The following MACROD2 variants were observed in gnomAD, a reference collection of about 807,000 sequenced individuals.
MACROD2 encodes the protein mono-ADP ribosylhydrolase 2.
Under a neutral mutation model 70.4 loss-of-function variants are expected in MACROD2, and 36 were observed. The ratio of observed to expected loss-of-function variants is 0.51; its 90% CI spans 0.39 to 0.68. The LOEUF is 0.68. MACROD2 is among the 30% of genes least tolerant of loss of function. MACROD2 has a pLI of 0.00. For missense variants in MACROD2, 496 were observed against 538.4 expected, an observed-to-expected ratio of 0.92 and a Z score of 0.78; for synonymous variants, 172 against 178.8, an observed-to-expected ratio of 0.96 and a Z score of 0.30.
chr20:14,731,131 T>G (rs1248280616), intron 5 of MACROD2, among the ~76,000 whole-genome samples: 1 of 151,946 alleles, frequency 6.6e-6, no homozygotes, highest in Non-Finnish European at 1.5e-5. Flanking sequence ...ACAAGAAAAA[T>G]GTAAAAATAA....
intron 15 of MACROD2, among the ~76,000 whole-genome samples, chr20:16,002,223 C>T (rs1328733279): frequency 6.6e-6 from 1 of 151,962 alleles, no homozygotes; most frequent in Non-Finnish European, 1.5e-5. Context: ...AATTTTAGTC[C>T]AGTCACCAAA....
At chr20:14,698,991 A>G (rs1047427588) in intron 5 of MACROD2, among the ~76,000 whole-genome samples, 3 of 152,054 alleles carry the variant, frequency 2.0e-5, no homozygotes, top group Non-Finnish European at 4.4e-5. Flanking sequence ...TATTTAATAT[A>G]CCTACCAAGC....
At chr20:15,583,992 A>T (rs1160824442) in intron 8 of MACROD2, among the ~76,000 whole-genome samples, 2 of 152,268 alleles carry the variant, frequency 1.3e-5, no homozygotes, top group Non-Finnish European at 2.9e-5. Context: ...CTTGTGGAAG[A>T]CACTTGCTCT....
At chr20:15,834,881 C>A (rs1036231668) in intron 8 of MACROD2, among the ~76,000 whole-genome samples, 1 of 152,202 alleles carries the variant, frequency 6.6e-6, no homozygotes, top group Non-Finnish European at 1.5e-5. Flanking sequence ...TCGCACTCCC[C>A]TCCCATTTCA....
At chr20:14,545,983 G>T (rs936382776) in intron 4 of MACROD2, among the ~76,000 whole-genome samples, 1 of 152,166 alleles carries the variant, frequency 6.6e-6, no homozygotes, top group Non-Finnish European at 1.5e-5. Context: ...AAGAGAAAAT[G>T]TAAACTGTAA....
chr20:15,031,022 G>C (rs1484609044), intron 5 of MACROD2, among the ~76,000 whole-genome samples: 1 of 152,242 alleles, frequency 6.6e-6, no homozygotes, highest in Non-Finnish European at 1.5e-5. Context: ...GGGTGAGCTA[G>C]GCACGGAGCA....
chr20:14,437,793 G>C (rs895829135), intron 3 of MACROD2, among the ~76,000 whole-genome samples: 1 of 152,074 alleles, frequency 6.6e-6, no homozygotes, highest in Admixed American at 6.5e-5. Context: ...AAAATTGTTT[G>C]AAGTGTTGCC....
chr20:14,888,747 TG>T (rs2122498108), intron 5 of MACROD2: 1 of 152,324 alleles, frequency 6.6e-6, no homozygotes, highest in East Asian at 1.9e-4. Context: ...AACCATGTTT[TG>T]CGCTTAAGTT....
intron 6 of MACROD2, among the ~76,000 whole-genome samples, chr20:15,236,518 T>C (rs1412588876): frequency 6.6e-6 from 1 of 152,218 alleles, no homozygotes; most frequent in Non-Finnish European, 1.5e-5. Flanking sequence ...TCCCACTTGG[T>C]GCCAGGCACT....
At chr20:14,986,723 A>T (rs2074852118) in intron 5 of MACROD2, among the ~76,000 whole-genome samples, 1 of 152,188 alleles carries the variant, frequency 6.6e-6, no homozygotes, top group African/African-American at 2.4e-5. Flanking sequence ...GTAGTGGGCG[A>T]TGGGGGAGGA....
chr20:15,311,636 A>C (rs1389729253), intron 6 of MACROD2, among the ~76,000 whole-genome samples: 1 of 152,214 alleles, frequency 6.6e-6, no homozygotes, highest in Non-Finnish European at 1.5e-5. Flanking sequence ...TCTTGCAGCA[A>C]CATGGATGGA....
At chr20:15,986,873 G>A in intron 14 of MACROD2, 72 bp downstream of exon 14, 1 of 1,183,056 alleles carries the variant, frequency 8.5e-7, no homozygotes, top group South Asian at 1.3e-5. Flanking sequence ...ATATATACCT[G>A]TGTGTGTGCG....
At chr20:14,887,399 GT>G (rs11476428) in intron 5 of MACROD2, among the ~76,000 whole-genome samples, 33,417 of 143,912 alleles carry the variant, frequency 0.23, 3,658 homozygotes, top group African/African-American at 0.33. Context: ...AGCTTTTTTT[GT>G]TTTTTTTTTT....
rs904950139 is a variant in MACROD2, at chr20:15,003,382, G to A, written c.419-226558G>A. ...TCCTTGCCCTGTGTGAGTTACTAGG[G>A]TTACAAAAATGAACAAAATTATTTT... On this transcript the variant is annotated intron_variant, in intron 5 of 17. Transcript: ENST00000684519. 3.9e-4 allele frequency among the ~76,000 whole-genome samples: 59 copies of A among 152,140 alleles called. 1 individual carries two copies. Among genetic ancestry groups the A allele is most frequent in the African/African-American group, 1.4e-3 (58 of 41,500 alleles).
chr20:14,065,641 A>G (rs2053746416), intron 2 of MACROD2, among the ~76,000 whole-genome samples: 1 of 152,178 alleles, frequency 6.6e-6, no homozygotes. Context: ...AATCCATTTA[A>G]TTCTCACAAC....
intron 2 of MACROD2, among the ~76,000 whole-genome samples, chr20:14,047,450 G>A (rs1349505038): frequency 7.3e-5 from 6 of 82,538 alleles, no homozygotes; most frequent in African/African-American, 1.8e-4. Context: ...GCGAGACTCC[G>A]TCTCAAAAAA....
At chr20:14,847,154 TG>T (rs1156963211) in intron 5 of MACROD2, among the ~76,000 whole-genome samples, 1 of 152,186 alleles carries the variant, frequency 6.6e-6, no homozygotes, top group African/African-American at 2.4e-5. Flanking sequence ...AAACTACTTC[TG>T]TAACATTAAT....
Position 14,983,376 on chromosome 20 carries a change from T to G in MACROD2, c.419-246564T>G, listed in dbSNP as rs549274931. Among the ~76,000 whole-genome samples, 4 of 150,878 alleles carry G rather than the reference T, an allele frequency of 2.7e-5. No individual in the cohort carries two copies. The East Asian group carries it at 7.9e-4, about 30-fold the overall frequency. On this transcript the variant is annotated intron_variant, in intron 5 of 17. Coordinates refer to ENST00000684519, the MANE Select transcript of MACROD2 (RefSeq NM_001351661.2). ...AGGGAAGGCATGATTGGTTTTGAAA[T>G]GTGAGGACATGAGAATTGGGAAGGG...
At position 14,015,879 on chromosome 20, in the gene MACROD2, T is replaced by G. The variant is rs142270053; in HGVS notation, c.163+13475T>G. Among the ~76,000 whole-genome samples, 1,068 of 152,366 alleles carry G rather than the reference T, an allele frequency of 7.0e-3. 14 individuals are homozygous for G. The highest frequency in any genetic ancestry group is 0.024 in the African/African-American group (997 of 41,582). On this transcript the variant is annotated intron_variant, in intron 2 of 17. Transcript: ENST00000684519. Reference sequence around the variant, plus strand: ...ACATTCTGTTTATCCATTTAACTGTTGGATATTTGGGTTGTTTCCACCTTT... The same window carrying G: ...ACATTCTGTTTATCCATTTAACTGTGGGATATTTGGGTTGTTTCCACCTTT...
Sources: gnomAD v4.1 joint callset for allele counts (sites outside exome capture counted in the v4.1 genomes callset) on GRCh38, gnomAD v4.1.1 for gene constraint, MANE v1.5 for transcripts, NCBI Gene and HGNC (gene_info 2026-07-23, HGNC 2026-07-21) for gene names.